The following ASB7 variants were observed in gnomAD, a reference collection of about 807,000 sequenced individuals.
ASB7 encodes the protein ankyrin repeat and SOCS box protein 7.
Under a neutral mutation model 32.5 loss-of-function variants are expected in ASB7, and 4 were observed. The ratio of observed to expected loss-of-function variants is 0.12; its 90% CI spans 0.06 to 0.28. The LOEUF (loss-of-function observed/expected upper bound fraction) is 0.28, where lower values mean the gene tolerates loss of function less well. ASB7 is among the 10% of genes least tolerant of loss of function. ASB7 has a pLI of 1.00. For missense variants in ASB7, 181 were observed against 407.1 expected, an observed-to-expected ratio of 0.44 and a Z score of 4.78; for synonymous variants, 172 against 155.6, an observed-to-expected ratio of 1.11 and a Z score of -0.78.
Position 100,604,575 on chromosome 15 carries a change from G to A in ASB7, c.-174+1262G>A, listed in dbSNP as rs1596994024. ...TGATTCTGTTAATTCTTAAGACATA[G>A]CTAAAGAGATAAAGACATAGCTTTT... On this transcript the variant is annotated intron_variant, in intron 2 of 5. Coordinates refer to ENST00000332783, the MANE Select transcript of ASB7 (RefSeq NM_198243.3). Among the ~76,000 whole-genome samples the A allele has an allele frequency of 2.0e-5, 3 of 152,256 alleles. No individual in the cohort carries two copies. In the East Asian group the frequency reaches 5.8e-4, roughly 29 times the overall value.
At chr15:100,608,770 T>C (rs1054294973) in intron 2 of ASB7, among the ~76,000 whole-genome samples, 3 of 152,190 alleles carry the variant, frequency 2.0e-5, no homozygotes, top group African/African-American at 7.2e-5. Flanking sequence ...TTACCTTCCT[T>C]GAAGAGGTTT....
In ASB7 at chr15:100,648,580, A is replaced by G. The variant is rs2040011377; in HGVS notation, c.*118A>G. Reference sequence around the variant, plus strand: ...TTTGCTGTGAAATCAGAAAGCAGGTATACACTTTTGGGTTTTCTGTTTGTT... The same window carrying G: ...TTTGCTGTGAAATCAGAAAGCAGGTGTACACTTTTGGGTTTTCTGTTTGTT... On this transcript the variant is annotated 3_prime_UTR_variant, in exon 6 of 6. Coordinates refer to ENST00000332783, the MANE Select transcript of ASB7 (RefSeq NM_198243.3). The G allele has an allele frequency of 2.2e-6, 2 of 910,420 alleles. No individual in the cohort carries two copies. The highest frequency in any genetic ancestry group is 3.1e-6 in the Non-Finnish European group (2 of 638,922). The allele number at this position is 910,420 out of a possible 1,614,324, so 56.4% of individuals were successfully genotyped here.
chr15:100,634,281 A>G lies in ASB7; in HGVS notation c.817+4239A>G, dbSNP rs550302146. On this transcript the variant is annotated intron_variant, in intron 5 of 5. Coordinates refer to ENST00000332783, the MANE Select transcript of ASB7 (RefSeq NM_198243.3). ...TCCATGAGAAAGCTGAACCTCAGGC[A>G]GTGACTAGCAGGAACGTTTAATCAT... Among the ~76,000 whole-genome samples the G allele has an allele frequency of 2.0e-5, 3 of 152,380 alleles. No homozygotes were observed. In the South Asian group the frequency reaches 6.2e-4, roughly 32 times the overall value.
chr15:100,606,461 C>A (rs1305621952), intron 2 of ASB7, among the ~76,000 whole-genome samples: 1 of 152,136 alleles, frequency 6.6e-6, no homozygotes, highest in African/African-American at 2.4e-5. Flanking sequence ...GAAATATGGT[C>A]AAATTTGGTG....
At chr15:100,621,520 T>G (rs1448128350) in intron 4 of ASB7, among the ~76,000 whole-genome samples, 1 of 152,198 alleles carries the variant, frequency 6.6e-6, no homozygotes, top group Non-Finnish European at 1.5e-5. Context: ...CTTTTACCTT[T>G]GAGTACTTTT....
At chr15:100,641,697 G>T (rs184849778) in intron 5 of ASB7, among the ~76,000 whole-genome samples, 14 of 152,280 alleles carry the variant, frequency 9.2e-5, no homozygotes, top group Admixed American at 3.9e-4. Flanking sequence ...TTTTCTTACT[G>T]TCCTGACACC....
intron 4 of ASB7, among the ~76,000 whole-genome samples, chr15:100,625,175 A>G (rs1380521586): frequency 6.6e-6 from 1 of 152,168 alleles, no homozygotes; most frequent in African/African-American, 2.4e-5. Flanking sequence ...TCAGGAACCA[A>G]GGGAAGGGTC....
intron 5 of ASB7, among the ~76,000 whole-genome samples, chr15:100,639,501 GTA>G (rs1310076669): frequency 2.0e-5 from 3 of 152,116 alleles, no homozygotes; most frequent in Non-Finnish European, 4.4e-5. Flanking sequence ...ATAGCAATAA[GTA>G]TATGAGCAGC....
chr15:100,631,230 A>G (rs2039881071), intron 5 of ASB7, among the ~76,000 whole-genome samples: 1 of 152,232 alleles, frequency 6.6e-6, no homozygotes, highest in South Asian at 2.1e-4. Flanking sequence ...CTTGCTGTCC[A>G]GTATAGTAGC....
intron 5 of ASB7, among the ~76,000 whole-genome samples, chr15:100,640,471 TG>T (rs1312671899): frequency 1.3e-5 from 2 of 152,072 alleles, no homozygotes; most frequent in Admixed American, 6.6e-5. Flanking sequence ...AATGGGAAGC[TG>T]AAATAAAACA....
intron 5 of ASB7, among the ~76,000 whole-genome samples, chr15:100,635,269 CTTAATAA>C (rs1395667955): frequency 3.3e-5 from 5 of 152,186 alleles, no homozygotes; most frequent in Non-Finnish European, 7.3e-5. Context: ...TTTCATTAAT[CTTAATAA>C]TTAATGGTTG....
chr15:100,604,107 C>G (rs983240798), intron 2 of ASB7, among the ~76,000 whole-genome samples: 1 of 152,266 alleles, frequency 6.6e-6, no homozygotes, highest in African/African-American at 2.4e-5. Context: ...AACAAAGGAA[C>G]CTTTTGGTGT....
chr15:100,621,385 A>T (rs2039790896), intron 4 of ASB7, among the ~76,000 whole-genome samples: 1 of 152,212 alleles, frequency 6.6e-6, no homozygotes, highest in African/African-American at 2.4e-5. Context: ...GGCATTCTCA[A>T]TGCCCAAATA....
At chr15:100,617,752 C>A (rs2039756157) in intron 4 of ASB7, among the ~76,000 whole-genome samples, 1 of 152,172 alleles carries the variant, frequency 6.6e-6, no homozygotes, top group Non-Finnish European at 1.5e-5. Flanking sequence ...TATTTTATGT[C>A]TATATCTCTG....
intron 5 of ASB7, among the ~76,000 whole-genome samples, chr15:100,631,364 G>A (rs2039882425): frequency 6.6e-6 from 1 of 152,218 alleles, no homozygotes; most frequent in Non-Finnish European, 1.5e-5. Context: ...TGGTTCCTTT[G>A]TTGGTCCACA....
intron 4 of ASB7, among the ~76,000 whole-genome samples, chr15:100,619,287 A>C (rs189532982): frequency 1.4e-4 from 21 of 152,322 alleles, no homozygotes; most frequent in African/African-American, 4.3e-4. Flanking sequence ...GGAGATGAAG[A>C]ATGTTCAGTA....
intron 4 of ASB7, among the ~76,000 whole-genome samples, chr15:100,616,366 T>C (rs544368349): frequency 3.6e-4 from 55 of 152,310 alleles, no homozygotes; most frequent in Non-Finnish European, 6.3e-4. Context: ...TGTAGGTGAA[T>C]TATGGTTTTC....
At chr15:100,609,880 A>C (rs150857950) in intron 3 of ASB7, 52 bp downstream of exon 3, 6 of 152,280 alleles carry the variant, frequency 3.9e-5, no homozygotes. Context: ...GGGAAAGCTC[A>C]CTTAACTTTT....
At chr15:100,618,428 A>G (rs77316395) in intron 4 of ASB7, among the ~76,000 whole-genome samples, 306 of 152,158 alleles carry the variant, frequency 2.0e-3, no homozygotes, top group African/African-American at 7.1e-3. Flanking sequence ...AAACAATGTA[A>G]TTTCTTTAAA....
Sources: gnomAD v4.1 joint callset for allele counts (sites outside exome capture counted in the v4.1 genomes callset) on GRCh38, gnomAD v4.1.1 for gene constraint, MANE v1.5 for transcripts, NCBI Gene and HGNC (gene_info 2026-07-23, HGNC 2026-07-21) for gene names.